The following ASAP1 variants were observed in gnomAD, a reference collection of about 807,000 sequenced individuals.
ASAP1 encodes the protein ArfGAP with SH3 domain, ankyrin repeat and PH domain 1.
In ASAP1, 43 loss-of-function variants were observed where a neutral mutation model predicts 145.2. The ratio of observed to expected loss-of-function variants is 0.30; its 90% CI spans 0.23 to 0.38. The LOEUF (loss-of-function observed/expected upper bound fraction) is 0.38. ASAP1 is among the 10% of genes least tolerant of loss of function. The probability of loss-of-function intolerance (pLI) is 1.00; values close to 1 mark genes in which losing one functional copy is unlikely to be tolerated. For synonymous variants in ASAP1, 546 were observed against 515.5 expected (o/e 1.06, Z -0.80); for missense variants, 1,018 against 1,355.3 (o/e 0.75, Z 3.91).
chr8:130,201,796 C>T (rs1815889188), intron 5 of ASAP1, among the ~76,000 whole-genome samples: 1 of 152,222 alleles, frequency 6.6e-6, no homozygotes, highest in Non-Finnish European at 1.5e-5. Flanking sequence ...CCACGCATGG[C>T]ATCTACAATT....
chr8:130,160,312 T>C (rs769025671), intron 11 of ASAP1, among the ~76,000 whole-genome samples: 1 of 152,158 alleles, frequency 6.6e-6, no homozygotes, highest in South Asian at 2.1e-4. Flanking sequence ...CAGGAGGGAC[T>C]GGAAAAAATG....
At chr8:130,057,265 C>T (rs1371746063) in intron 29 of ASAP1, among the ~76,000 whole-genome samples, 3 of 152,080 alleles carry the variant, frequency 2.0e-5, no homozygotes, top group Non-Finnish European at 2.9e-5. Flanking sequence ...GGGTCAGGGC[C>T]GATCTGGAAT....
At chr8:130,387,979 C>A in intron 2 of ASAP1, among the ~76,000 whole-genome samples, 1 of 152,152 alleles carries the variant, frequency 6.6e-6, no homozygotes. Flanking sequence ...CAGATTGTTA[C>A]AACTGCTAGG....
chr8:130,194,792 G>T (rs1300014391), intron 5 of ASAP1, among the ~76,000 whole-genome samples: 1 of 152,050 alleles, frequency 6.6e-6, no homozygotes, highest in Admixed American at 6.6e-5. Flanking sequence ...GAGCTCAGGA[G>T]GTAATGCTTG....
intron 9 of ASAP1, among the ~76,000 whole-genome samples, chr8:130,177,215 C>T (rs1814022759): frequency 6.6e-6 from 1 of 152,182 alleles, no homozygotes. Context: ...AGGGAGGATG[C>T]ATTAGCTATA....
chr8:130,164,419 G>A (rs1056672967), intron 11 of ASAP1, among the ~76,000 whole-genome samples: 6 of 151,794 alleles, frequency 4.0e-5, no homozygotes, highest in Admixed American at 2.0e-4. Flanking sequence ...GTGAAACCCC[G>A]GTCTCTACTA....
intron 3 of ASAP1, among the ~76,000 whole-genome samples, chr8:130,300,153 C>CACACACACACAGAGAGAG (rs1196584279): frequency 6.5e-5 from 5 of 76,926 alleles, no homozygotes; most frequent in East Asian, 4.9e-4. Context: ...CACACACACA[C>CACACACACACAGAGAGAG]AGAGAGAGAG....
intron 28 of ASAP1, among the ~76,000 whole-genome samples, chr8:130,058,776 T>C (rs2097410407): frequency 6.6e-6 from 1 of 152,194 alleles, no homozygotes; most frequent in African/African-American, 2.4e-5. Context: ...GCTGTCTCTT[T>C]AAATGTTTTG....
chr8:130,412,126 C>T (rs1164911983), intron 1 of ASAP1, among the ~76,000 whole-genome samples: 1 of 152,192 alleles, frequency 6.6e-6, no homozygotes, highest in African/African-American at 2.4e-5. Context: ...TGTCATCCCA[C>T]TTTACAGAGG....
chr8:130,188,291 A>G, intron 5 of ASAP1, 108 bp from the exon 6 acceptor site: 1 of 825,702 alleles, frequency 1.2e-6, no homozygotes, highest in Non-Finnish European at 2.0e-6. Flanking sequence ...GCTCTGTTGA[A>G]GGGCTTTCCA....
At chr8:130,157,309 A>G (rs2097660002) in intron 12 of ASAP1, among the ~76,000 whole-genome samples, 1 of 152,186 alleles carries the variant, frequency 6.6e-6, no homozygotes, top group Non-Finnish European at 1.5e-5. Context: ...CTGATTCTAC[A>G]ATGAGCCAGA....
chr8:130,283,843 C>A (rs923418137), intron 3 of ASAP1, among the ~76,000 whole-genome samples: 2 of 152,042 alleles, frequency 1.3e-5, no homozygotes. Flanking sequence ...AATTGAAAAG[C>A]CATGATAATG....
intron 15 of ASAP1, among the ~76,000 whole-genome samples, chr8:130,132,081 C>T (rs184076245): frequency 2.7e-5 from 4 of 145,864 alleles, no homozygotes; most frequent in Admixed American, 2.0e-4. Context: ...AGAATGAAAT[C>T]GGAGAAGGAG....
intron 2 of ASAP1, among the ~76,000 whole-genome samples, chr8:130,386,295 A>G (rs1437739144): frequency 6.6e-6 from 1 of 152,202 alleles, no homozygotes; most frequent in Non-Finnish European, 1.5e-5. Context: ...TCTCTTACCT[A>G]AGCCAGTACA....
intron 2 of ASAP1, among the ~76,000 whole-genome samples, chr8:130,379,137 A>G (rs1487000277): frequency 6.6e-6 from 1 of 152,110 alleles, no homozygotes; most frequent in Non-Finnish European, 1.5e-5. Flanking sequence ...AAACCTCCAT[A>G]AAAACCCCTA....
At chr8:130,277,307 G>A (rs1389442673) in intron 3 of ASAP1, among the ~76,000 whole-genome samples, 2 of 152,076 alleles carry the variant, frequency 1.3e-5, no homozygotes, top group African/African-American at 2.4e-5. Context: ...TTGGTAACGA[G>A]GACAACGGCT....
chr8:130,347,120 G>A (rs1261291406), intron 3 of ASAP1, among the ~76,000 whole-genome samples: 4 of 152,212 alleles, frequency 2.6e-5, no homozygotes, highest in Non-Finnish European at 4.4e-5. Flanking sequence ...CAGCCAAGTT[G>A]CCCTGCCTGG....
chr8:130,294,977 T>A (rs952435857), intron 3 of ASAP1, among the ~76,000 whole-genome samples: 15 of 152,150 alleles, frequency 9.9e-5, no homozygotes, highest in African/African-American at 3.6e-4. Flanking sequence ...AATAAAAATG[T>A]CCTAGGCTGG....
chr8:130,201,157 TTAGAC>T (rs1342791850), intron 5 of ASAP1, among the ~76,000 whole-genome samples: 2 of 152,178 alleles, frequency 1.3e-5, no homozygotes, highest in Non-Finnish European at 2.9e-5. Flanking sequence ...AACCACTGCC[TTAGAC>T]TAAAGGCTGT....
Sources: gnomAD v4.1 joint callset for allele counts (sites outside exome capture counted in the v4.1 genomes callset) on GRCh38, gnomAD v4.1.1 for gene constraint, MANE v1.5 for transcripts, NCBI Gene and HGNC (gene_info 2026-07-23, HGNC 2026-07-21) for gene names.